GPD2: variants seen among roughly 807,000 people sequenced by gnomAD.
The protein encoded by GPD2 is glycerol-3-phosphate dehydrogenase, mitochondrial.
A neutral mutation model predicts 82.4 loss-of-function variants in GPD2; 54 were observed. That is an observed-to-expected ratio of 0.66 (90% CI 0.53 to 0.82). The LOEUF (loss-of-function observed/expected upper bound fraction) is 0.82, where lower values mean the gene tolerates loss of function less well. Ranked by LOEUF, GPD2 falls within the 40% of genes least tolerant of loss-of-function variation. The probability of loss-of-function intolerance (pLI) is 0.00; values close to 1 mark genes in which losing one functional copy is unlikely to be tolerated. For synonymous variants in GPD2, 288 were observed against 306.1 expected (o/e 0.94, Z 0.62); for missense variants, 748 against 896.2 (o/e 0.83, Z 2.11).
At chr2:156,422,738 C>A in the GPD2 span, among the ~76,000 whole-genome samples, 15 of 149,528 alleles carry the variant, frequency 1.0e-4, no homozygotes, top group South Asian at 8.5e-4. Flanking sequence ...AAAAAAAAAA[C>A]AAAAACAAAC....
intron 1 of GPD2, among the ~76,000 whole-genome samples, chr2:156,457,630 A>G (rs965354062): frequency 2.0e-5 from 3 of 152,166 alleles, no homozygotes; most frequent in Non-Finnish European, 1.5e-5. Context: ...AATGGGATTT[A>G]TTTCCCCAAC....
At position 156,485,043 on chromosome 2, in the gene GPD2, C is replaced by G. The variant is rs140416501; in HGVS notation, c.102+8836C>G. Reference sequence around the variant, plus strand: ...GTCTTTCAGTGTCTGGCTTATTTCACTTAGCATAATGTCCTCCAGGGCTAT... The same window carrying G: ...GTCTTTCAGTGTCTGGCTTATTTCAGTTAGCATAATGTCCTCCAGGGCTAT... On this transcript the variant is annotated intron_variant, in intron 2 of 16. Transcript: ENST00000438166. 6.6e-5 allele frequency among the ~76,000 whole-genome samples: 10 copies of G among 152,286 alleles called. No individual in the cohort carries two copies. The East Asian group carries it at 1.7e-3, about 26-fold the overall frequency.
intron 3 of GPD2, among the ~76,000 whole-genome samples, chr2:156,498,242 A>G (rs1358723283): frequency 6.6e-6 from 1 of 152,168 alleles, no homozygotes; most frequent in Non-Finnish European, 1.5e-5. Context: ...GCATACAAAG[A>G]TGATAGAGTT....
chr2:156,445,977 G>T (rs1682355772), intron 1 of GPD2, among the ~76,000 whole-genome samples: 1 of 152,142 alleles, frequency 6.6e-6, no homozygotes, highest in Non-Finnish European at 1.5e-5. Context: ...TCCTTTCAAT[G>T]ATTCAGGCAC....
chr2:156,579,151 A>G lies in GPD2; in HGVS notation c.1946A>G (p.Gln649Arg). 6.3e-7 allele frequency: 1 copy of G among 1,594,120 alleles called. No individual in the cohort carries two copies. Among genetic ancestry groups the G allele is most frequent in the Non-Finnish European group, 8.6e-7 (1 of 1,162,190 alleles). The change falls in exon 15 of 17, where the codon CAG (glutamine) becomes CGG (arginine). Residue 649 changes from glutamine (Q) to arginine (R), a missense_variant. Physicochemically the swap from Gln to Arg is conservative, Grantham distance 43. This residue lies in a region of GPD2 where 692 missense variants were observed against 809.7 expected (regional missense o/e 0.85). Coordinates refer to ENST00000438166, the MANE Select transcript of GPD2 (RefSeq NM_000408.5). Reference sequence around the variant, plus strand: ...GGCTTTATTACCATTGTTGATGTTCAGCGTGTATTAGAGGTAATTTTCTTT... The same window carrying G: ...GGCTTTATTACCATTGTTGATGTTCGGCGTGTATTAGAGGTAATTTTCTTT... ...QKGFITIVDV[Q>R]RVLESINVQM...
rs538220667 is a variant in GPD2, at chr2:156,503,298, C to G, written c.274+7083C>G. Among the ~76,000 whole-genome samples, 6 of 152,266 alleles carry G rather than the reference C, an allele frequency of 3.9e-5. No homozygotes were observed. In the East Asian group the frequency reaches 1.2e-3, roughly 29 times the overall value. On this transcript the variant is annotated intron_variant, in intron 3 of 16. Coordinates refer to ENST00000438166, the MANE Select transcript of GPD2 (RefSeq NM_000408.5). The stretch of plus-strand genomic sequence containing the variant: ...CCTCTTACCCTTTTGGAACTGAGAT[C>G]TTGATTGCCTTTGCCCATTTTTAGA...
chr2:156,401,389 A>T, the GPD2 span, among the ~76,000 whole-genome samples: 1 of 152,122 alleles, frequency 6.6e-6, no homozygotes, highest in East Asian at 1.9e-4. Context: ...TCATTATACT[A>T]CTTTAGAACT....
At chr2:156,495,796 T>C in intron 2 of GPD2, 1 of 490,128 alleles carries the variant, frequency 2.0e-6, no homozygotes, top group Non-Finnish European at 3.8e-6. Context: ...TATGAAGCAG[T>C]TGAGACATTG....
At chr2:156,426,211 CCA>C in the GPD2 span, among the ~76,000 whole-genome samples, 1 of 152,218 alleles carries the variant, frequency 6.6e-6, no homozygotes, top group Non-Finnish European at 1.5e-5. Context: ...GCGTGAGCCA[CCA>C]CGCCCGGCCA....
upstream of GPD2, chr2:156,435,272 T>A (rs1573863508): frequency 6.6e-6 from 1 of 152,344 alleles, no homozygotes; most frequent in South Asian, 2.1e-4. Context: ...TATTTTCCAA[T>A]ACCACGATAG....
intron 2 of GPD2, among the ~76,000 whole-genome samples, chr2:156,485,053 T>C (rs987205485): frequency 1.3e-5 from 2 of 152,234 alleles, no homozygotes; most frequent in Non-Finnish European, 2.9e-5. Context: ...CTTAGCATAA[T>C]GTCCTCCAGG....
At chr2:156,570,330 C>A in intron 12 of GPD2, 112 bp downstream of exon 12, 2 of 926,902 alleles carry the variant, frequency 2.2e-6, no homozygotes, top group South Asian at 1.4e-5. Context: ...CATATGTCAG[C>A]TAAAACCAGG....
intron 1 of GPD2, among the ~76,000 whole-genome samples, chr2:156,456,911 C>A (rs1448508624): frequency 6.6e-6 from 1 of 152,118 alleles, no homozygotes; most frequent in Non-Finnish European, 1.5e-5. Context: ...GCATGAGTGA[C>A]CAAGCAAGGC....
chr2:156,504,106 C>G (rs2105257603), intron 3 of GPD2, among the ~76,000 whole-genome samples: 1 of 108,884 alleles, frequency 9.2e-6, no homozygotes, highest in Admixed American at 1.0e-4. Flanking sequence ...TATCTGTTTT[C>G]TAATATAAAC....
chr2:156,567,534 A>G (rs933327428), intron 9 of GPD2, among the ~76,000 whole-genome samples: 5 of 152,138 alleles, frequency 3.3e-5, no homozygotes, highest in African/African-American at 1.2e-4. Flanking sequence ...ACCCCAAGTC[A>G]CAGTTGAAGC....
chr2:156,476,519 C>T (rs1158805928), intron 2 of GPD2, among the ~76,000 whole-genome samples: 4 of 152,146 alleles, frequency 2.6e-5, no homozygotes, highest in Non-Finnish European at 4.4e-5. Flanking sequence ...TCTAATTCAT[C>T]GAAATGTCTG....
At chr2:156,437,317 T>C (rs533167993) in intron 1 of GPD2, among the ~76,000 whole-genome samples, 8 of 152,336 alleles carry the variant, frequency 5.3e-5, no homozygotes, top group African/African-American at 1.7e-4. Context: ...GTATTTTGCA[T>C]GTGTTCCAAG....
At chr2:156,494,080 A>T (rs1427102749) in intron 2 of GPD2, among the ~76,000 whole-genome samples, 5 of 152,162 alleles carry the variant, frequency 3.3e-5, no homozygotes, top group African/African-American at 1.2e-4. Context: ...AAAGGTAAAA[A>T]ATAGGGACAT....
chr2:156,529,519 TA>T (rs1263078406), intron 6 of GPD2, among the ~76,000 whole-genome samples: 6 of 151,628 alleles, frequency 4.0e-5, no homozygotes, highest in African/African-American at 1.5e-4. Context: ...TGCCCATGCC[TA>T]TGTCCTGAAT....
Sources: gnomAD v4.1 joint callset for allele counts (sites outside exome capture counted in the v4.1 genomes callset) on GRCh38, gnomAD v4.1.1 for gene constraint, gnomAD v4.1.1 regional missense constraint, MANE v1.5 for transcripts, NCBI Gene and HGNC (gene_info 2026-07-23, HGNC 2026-07-21) for gene names.